SUPT3H: variants seen among roughly 807,000 people sequenced by gnomAD.
SUPT3H encodes the protein transcription initiation protein SPT3 homolog.
SUPT3H carries 44 observed loss-of-function variants against 44.3 expected under a neutral mutation model. The observed-to-expected ratio is 0.99, with a 90% CI of 0.78 to 1.28. SUPT3H has a LOEUF of 1.28. Among genes scored for constraint, SUPT3H ranks in the 50% most tolerant of loss-of-function variants. SUPT3H has a pLI of 0.00. For synonymous variants in SUPT3H, 124 were observed against 125.6 expected (o/e 0.99, Z 0.09); for missense variants, 380 against 387.1 (o/e 0.98, Z 0.15).
At chr6:44,822,056 T>C (rs1288026823), downstream of SUPT3H, among the ~76,000 whole-genome samples, 1 of 152,210 alleles carries the variant, frequency 6.6e-6, no homozygotes, top group Non-Finnish European at 1.5e-5. Context: ...ATGTGTATAT[T>C]TATTAATAAA....
chr6:44,833,858 A>G (rs1263898021), intron 10 of SUPT3H, among the ~76,000 whole-genome samples: 2 of 152,164 alleles, frequency 1.3e-5, no homozygotes, highest in Non-Finnish European at 2.9e-5. Flanking sequence ...CTTGCTAAAC[A>G]TCACTTAAAG....
intron 3 of SUPT3H, among the ~76,000 whole-genome samples, chr6:45,069,482 C>T (rs547890034): frequency 6.6e-6 from 1 of 151,948 alleles, no homozygotes; most frequent in Non-Finnish European, 1.5e-5. Context: ...TTATAGGCCC[C>T]TATAAATTGG....
chr6:45,245,006 A>C (rs1411065581), intron 2 of SUPT3H, among the ~76,000 whole-genome samples: 1 of 152,066 alleles, frequency 6.6e-6, no homozygotes, highest in Non-Finnish European at 1.5e-5. Context: ...TTATTTACAA[A>C]CTCTTCCACA....
chr6:44,886,544 A>G (rs1477817938), intron 10 of SUPT3H, among the ~76,000 whole-genome samples: 1 of 152,170 alleles, frequency 6.6e-6, no homozygotes, highest in East Asian at 1.9e-4. Flanking sequence ...GAGAAATAAA[A>G]TCCTTTACAG....
chr6:45,221,577 A>T (rs1766063174), intron 2 of SUPT3H, among the ~76,000 whole-genome samples: 1 of 152,216 alleles, frequency 6.6e-6, no homozygotes, highest in African/African-American at 2.4e-5. Flanking sequence ...GAAAGAAATC[A>T]GACAACCTAA....
At chr6:45,316,110 T>G (rs1249824666) in intron 2 of SUPT3H, among the ~76,000 whole-genome samples, 3 of 152,132 alleles carry the variant, frequency 2.0e-5, no homozygotes, top group Admixed American at 2.0e-4. Flanking sequence ...CACTGATATG[T>G]GGGAACTAAG....
At chr6:45,365,055 T>A (rs1320871082) in intron 2 of SUPT3H, 146 bp downstream of exon 2, 6 of 573,072 alleles carry the variant, frequency 1.0e-5, no homozygotes, top group African/African-American at 7.6e-5. Context: ...TATGGCAATT[T>A]AAAATGTTAC....
chr6:44,857,933 C>T (rs1041825244), intron 10 of SUPT3H, among the ~76,000 whole-genome samples: 6 of 152,132 alleles, frequency 3.9e-5, no homozygotes, highest in Admixed American at 6.5e-5. Flanking sequence ...CTCTCTCTCC[C>T]TCCAGCCTCT....
intron 2 of SUPT3H, among the ~76,000 whole-genome samples, chr6:45,255,238 A>C (rs1773150159): frequency 6.6e-6 from 1 of 152,070 alleles, no homozygotes; most frequent in Non-Finnish European, 1.5e-5. Flanking sequence ...AGGGTCTTGG[A>C]ATATATTCCC....
chr6:45,181,002 G>T (rs1813054895), intron 2 of SUPT3H, among the ~76,000 whole-genome samples: 1 of 150,732 alleles, frequency 6.6e-6, no homozygotes. Context: ...AATCTACAAT[G>T]AACTCAAACA....
chr6:45,181,525 A>G (rs1813181177), intron 2 of SUPT3H, among the ~76,000 whole-genome samples: 1 of 151,798 alleles, frequency 6.6e-6, no homozygotes, highest in East Asian at 1.9e-4. Flanking sequence ...ACCATGGAAT[A>G]CTATGCAGCC....
chr6:45,071,234 T>G (rs906697655), intron 3 of SUPT3H, among the ~76,000 whole-genome samples: 1 of 152,082 alleles, frequency 6.6e-6, no homozygotes, highest in Admixed American at 6.6e-5. Flanking sequence ...ACCTAAATTT[T>G]TATTAATCCC....
intron 2 of SUPT3H, among the ~76,000 whole-genome samples, chr6:45,353,185 G>A (rs1792431380): frequency 6.6e-6 from 1 of 152,006 alleles, no homozygotes; most frequent in African/African-American, 2.4e-5. Context: ...GAATTGCACA[G>A]ACCAATGTCT....
At chr6:45,047,648 A>AAAAATAG in intron 3 of SUPT3H, among the ~76,000 whole-genome samples, 1 of 152,248 alleles carries the variant, frequency 6.6e-6, no homozygotes, top group East Asian at 1.9e-4. Flanking sequence ...ATCTATTTTT[A>AAAAATAG]ATTTTTTTAA....
intron 2 of SUPT3H, among the ~76,000 whole-genome samples, chr6:45,118,991 C>T (rs1159184342): frequency 6.6e-6 from 1 of 152,184 alleles, no homozygotes; most frequent in African/African-American, 2.4e-5. Context: ...AGAGCTCAGT[C>T]ACCCCAGTTA....
chr6:45,344,777 C>T (rs781226132), intron 2 of SUPT3H, among the ~76,000 whole-genome samples: 2 of 152,022 alleles, frequency 1.3e-5, no homozygotes, highest in Non-Finnish European at 2.9e-5. Context: ...GAGAAATATA[C>T]TTGGTGGACC....
intron 3 of SUPT3H, among the ~76,000 whole-genome samples, chr6:45,081,360 C>T (rs975692184): frequency 2.6e-5 from 4 of 151,952 alleles, no homozygotes; most frequent in African/African-American, 9.7e-5. Flanking sequence ...TTATTTAATT[C>T]TTTGCTCATG....
intron 10 of SUPT3H, among the ~76,000 whole-genome samples, chr6:44,928,882 C>CAAAATAAATAAAA (rs1491206167): frequency 4.8e-5 from 1 of 20,638 alleles, no homozygotes; most frequent in African/African-American, 3.2e-4. Flanking sequence ...GACTCCGTCT[C>CAAAATAAATAAAA]AAAAAAAAAA....
chr6:45,192,198 C>A (rs1284558791), intron 2 of SUPT3H, among the ~76,000 whole-genome samples: 4 of 152,082 alleles, frequency 2.6e-5, no homozygotes. Context: ...TAACTGAATT[C>A]TCTTAGTCAT....
Sources: allele counts gnomAD v4.1 joint callset (sites outside exome capture counted in the v4.1 genomes callset), GRCh38; gene constraint gnomAD v4.1.1; transcripts MANE v1.5; gene names NCBI Gene and HGNC (gene_info 2026-07-23, HGNC 2026-07-21).